GNAT3: variants seen among roughly 807,000 people sequenced by gnomAD.
The protein encoded by GNAT3 is G protein subunit alpha transducin 3, also known as guanine nucleotide-binding protein G(t) subunit alpha-3.
In GNAT3, 31 loss-of-function variants were observed where a neutral mutation model predicts 37.7. The ratio of observed to expected loss-of-function variants is 0.82; its 90% CI spans 0.62 to 1.11. The LOEUF (loss-of-function observed/expected upper bound fraction) is 1.11. Ranked by LOEUF, GNAT3 falls within the 50% of genes most tolerant of loss-of-function variation. The pLI is 0.00. For synonymous variants in GNAT3, 138 were observed against 139.8 expected (o/e 0.99, Z 0.09); for missense variants, 437 against 412.5 (o/e 1.06, Z -0.51).
chr7:80,484,904 T>C (rs1431943419), intron 3 of GNAT3, among the ~76,000 whole-genome samples: 3 of 152,086 alleles, frequency 2.0e-5, no homozygotes, highest in Non-Finnish European at 4.4e-5. Flanking sequence ...CCTATTCTCA[T>C]TTCTCCACAT....
At chr7:80,478,722 A>G in intron 4 of GNAT3, 119 bp downstream of exon 4, 1 of 954,028 alleles carries the variant, frequency 1.0e-6, no homozygotes, top group Non-Finnish European at 1.6e-6. Context: ...ATTTTACTCT[A>G]ATAAAATGTA....
intron 3 of GNAT3, 63 bp from the exon 4 acceptor site, chr7:80,479,061 ATAGAG>A (rs1349497834): frequency 2.6e-6 from 3 of 1,135,420 alleles, no homozygotes; most frequent in Non-Finnish European, 3.7e-6. Context: ...CTATTTTCTA[ATAGAG>A]TAATTTACTG....
At chr7:80,479,491 G>C (rs1790356212) in intron 3 of GNAT3, among the ~76,000 whole-genome samples, 2 of 151,866 alleles carry the variant, frequency 1.3e-5, no homozygotes, top group Admixed American at 1.3e-4. Flanking sequence ...AGGCCGAGGT[G>C]GGTAGATCAC....
At chr7:80,462,475 C>T in intron 6 of GNAT3, 27 bp downstream of exon 6, 1 of 1,608,004 alleles carries the variant, frequency 6.2e-7, no homozygotes, top group Admixed American at 1.7e-5. Context: ...ACTTTTAACC[C>T]TGGCTTTGTT....
chr7:80,466,088 A>AG lies in GNAT3; in HGVS notation c.591-3458dup, dbSNP rs555050256. Among the ~76,000 whole-genome samples the AG allele has an allele frequency of 6.9e-4, 105 of 152,110 alleles. 2 individuals carry two copies. The highest frequency in any genetic ancestry group is 5.5e-3 in the Admixed American group (84 of 15,256). On this transcript the variant is annotated intron_variant, in intron 5 of 7. Transcript: ENST00000398291. ...TCTCTTTCACTCTAATCCCCACCTC[A>AG]GGGGGGGAAAATAAAAAACCCCTTT...
chr7:80,462,368 T>G, intron 6 of GNAT3, 56 bp from the exon 7 acceptor site: 1 of 1,568,774 alleles, frequency 6.4e-7, no homozygotes, highest in Middle Eastern at 1.7e-4. Flanking sequence ...AATGTGAATG[T>G]TGAGCATCAT....
intron 5 of GNAT3, among the ~76,000 whole-genome samples, chr7:80,466,054 T>A (rs570277660): frequency 6.6e-6 from 1 of 152,150 alleles, no homozygotes; most frequent in African/African-American, 2.4e-5. Flanking sequence ...AGGATTTCCA[T>A]AGTCCTAATC....
At chr7:80,473,782 G>A (rs1001971186) in intron 5 of GNAT3, among the ~76,000 whole-genome samples, 1 of 151,986 alleles carries the variant, frequency 6.6e-6, no homozygotes. Context: ...AATATGCCTT[G>A]TTATTGCAGT....
intron 7 of GNAT3, 77 bp downstream of exon 7, chr7:80,462,082 A>T: frequency 1.1e-6 from 1 of 922,082 alleles, no homozygotes; most frequent in Non-Finnish European, 1.6e-6. Flanking sequence ...CATAAGTATT[A>T]AATGTCAAGA....
chr7:80,506,683 T>G (rs1790947666), intron 1 of GNAT3, among the ~76,000 whole-genome samples: 1 of 152,156 alleles, frequency 6.6e-6, no homozygotes, highest in South Asian at 2.1e-4. Context: ...ACATTCGCAT[T>G]AAGAATATTC....
chr7:80,474,568 T>G (rs2116162315), intron 4 of GNAT3, among the ~76,000 whole-genome samples, 189 bp from the exon 5 acceptor site: 1 of 152,186 alleles, frequency 6.6e-6, no homozygotes, highest in Admixed American at 6.5e-5. Context: ...AATGATAAAT[T>G]CTAGACAGGC....
chr7:80,475,812 C>T (rs920491307), intron 4 of GNAT3, among the ~76,000 whole-genome samples: 11 of 151,980 alleles, frequency 7.2e-5, no homozygotes, highest in African/African-American at 2.7e-4. Flanking sequence ...AAAGGGATTT[C>T]GGCCGAGAGT....
chr7:80,493,040 G>A lies in GNAT3; in HGVS notation c.161+1565C>T, dbSNP rs116368167. On this transcript the variant is annotated intron_variant, in intron 2 of 7. Coordinates refer to ENST00000398291, the MANE Select transcript of GNAT3 (RefSeq NM_001102386.3). ...GCAATCTATGGGCCTTTATATACTA[G>A]TCACCAGTTATTTATCATATTTATT... is the stretch of plus-strand genomic sequence containing the variant. Among the ~76,000 whole-genome samples, 1,131 of 151,904 alleles carry A rather than the reference G, an allele frequency of 7.4e-3. 11 individuals carry two copies. Among genetic ancestry groups the A allele is most frequent in the African/African-American group, 0.026 (1,079 of 41,440 alleles).
rs1350945454 is a variant in GNAT3 at position 80,503,354 on chromosome 7, G to T, written c.118+8455C>A. Reference sequence around the variant, plus strand: ...TCTTTGTTCTCATAGAAATTAGAATGCAGACATTAACTTAAAACTGACACA... The same window carrying T: ...TCTTTGTTCTCATAGAAATTAGAATTCAGACATTAACTTAAAACTGACACA... On this transcript the variant is annotated intron_variant, in intron 1 of 7. Coordinates refer to ENST00000398291, the MANE Select transcript of GNAT3 (RefSeq NM_001102386.3). 2.0e-5 allele frequency among the ~76,000 whole-genome samples: 3 copies of T among 152,144 alleles called. No homozygotes were observed. In the East Asian group the frequency reaches 5.8e-4, roughly 29 times the overall value.
chr7:80,471,842 C>T (rs1052761539), intron 5 of GNAT3, among the ~76,000 whole-genome samples: 5 of 151,988 alleles, frequency 3.3e-5, no homozygotes, highest in Non-Finnish European at 5.9e-5. Context: ...TCCAGTTAGC[C>T]TCAGGATAAC....
At chr7:80,491,727 G>A (rs1790596046) in intron 2 of GNAT3, among the ~76,000 whole-genome samples, 1 of 152,036 alleles carries the variant, frequency 6.6e-6, no homozygotes, top group South Asian at 2.1e-4. Flanking sequence ...TCTTCGTAAG[G>A]GCAACTTCTG....
chr7:80,479,054 TTTTC>T, intron 3 of GNAT3, 56 bp from the exon 4 acceptor site: 7 of 1,203,684 alleles, frequency 5.8e-6, no homozygotes, highest in Non-Finnish European at 8.1e-6. Flanking sequence ...ACATATTCTA[TTTTC>T]TAATAGAGTA....
chr7:80,491,338 G>C (rs1371832534), intron 2 of GNAT3, among the ~76,000 whole-genome samples: 1 of 152,144 alleles, frequency 6.6e-6, no homozygotes, highest in African/African-American at 2.4e-5. Context: ...TTCTGATTTG[G>C]ACCTAGCCAG....
chr7:80,508,511 T>C (rs2116236076), intron 1 of GNAT3, among the ~76,000 whole-genome samples: 1 of 152,196 alleles, frequency 6.6e-6, no homozygotes, highest in Non-Finnish European at 1.5e-5. Flanking sequence ...TATTAAAATG[T>C]GCTCTTTCTG....
Sources: allele counts gnomAD v4.1 joint callset (sites outside exome capture counted in the v4.1 genomes callset), GRCh38; gene constraint gnomAD v4.1.1; transcripts MANE v1.5; gene names NCBI Gene and HGNC (gene_info 2026-07-23, HGNC 2026-07-21).